The following RNF150 variants were observed in gnomAD, a reference collection of about 807,000 sequenced individuals.
The protein encoded by RNF150 is ring finger protein 150.
RNF150 carries 24 observed loss-of-function variants against 39.3 expected under a neutral mutation model. The observed-to-expected ratio is 0.61, with a 90% CI of 0.44 to 0.86. RNF150 has a LOEUF of 0.86. Among genes scored for constraint, RNF150 ranks in the 40% least tolerant of loss-of-function variants. RNF150 has a pLI of 0.00. For missense variants in RNF150, 502 were observed against 587.8 expected (o/e 0.85, Z 1.51); for synonymous variants, 255 against 227.3 (o/e 1.12, Z -1.10).
rs1016500156 is a variant in RNF150 at position 141,048,611 on chromosome 4, T to C, written c.485-80738A>G. ...AACCAGGCATGGTAGTGTGTGACTA[T>C]AGTCCTGACTAGTTGGGAGGCTGAG... On this transcript the variant is annotated intron_variant, in intron 1 of 6. Transcript: ENST00000515673. Among the ~76,000 whole-genome samples, 4 of 152,130 alleles carry C rather than the reference T, an allele frequency of 2.6e-5. No homozygotes were observed. In the South Asian group the frequency reaches 6.2e-4, roughly 24 times the overall value.
At chr4:141,121,191 CT>C (rs1001790763) in intron 1 of RNF150, among the ~76,000 whole-genome samples, 2 of 152,214 alleles carry the variant, frequency 1.3e-5, no homozygotes, top group Non-Finnish European at 2.9e-5. Flanking sequence ...AGCCTAAACA[CT>C]TGCTTCCTGA....
chr4:141,087,506 T>C (rs1738411550), intron 1 of RNF150, among the ~76,000 whole-genome samples: 1 of 116,178 alleles, frequency 8.6e-6, no homozygotes, highest in Non-Finnish European at 1.8e-5. Context: ...CACTTCTCTT[T>C]CTATCTACCT....
chr4:140,994,474 C>T (rs1579035756), intron 1 of RNF150, among the ~76,000 whole-genome samples: 1 of 150,674 alleles, frequency 6.6e-6, no homozygotes, highest in South Asian at 2.1e-4. Flanking sequence ...TGCACGCACA[C>T]ACACACAACA....
chr4:141,098,745 C>G (rs1232728415), intron 1 of RNF150, among the ~76,000 whole-genome samples: 1 of 152,168 alleles, frequency 6.6e-6, no homozygotes, highest in Admixed American at 6.5e-5. Flanking sequence ...AAACATTTTG[C>G]TACATTGTCT....
intron 1 of RNF150, among the ~76,000 whole-genome samples, chr4:141,080,806 C>A (rs963168307): frequency 6.6e-6 from 1 of 152,094 alleles, no homozygotes; most frequent in Non-Finnish European, 1.5e-5. Context: ...CTGCACATGT[C>A]CCCCAGGGAA....
At chr4:141,001,937 T>C (rs578025190) in intron 1 of RNF150, among the ~76,000 whole-genome samples, 1 of 152,200 alleles carries the variant, frequency 6.6e-6, no homozygotes, top group African/African-American at 2.4e-5. Flanking sequence ...GCTCATATAT[T>C]TTTTCTTTAA....
intron 1 of RNF150, among the ~76,000 whole-genome samples, chr4:141,175,056 C>T (rs1162263819): frequency 2.6e-5 from 4 of 152,106 alleles, no homozygotes; most frequent in African/African-American, 9.7e-5. Flanking sequence ...GGCAAAAGAT[C>T]CAGATTAAAC....
intron 1 of RNF150, among the ~76,000 whole-genome samples, chr4:141,163,966 C>T (rs1234367093): frequency 1.3e-5 from 2 of 152,012 alleles, no homozygotes; most frequent in African/African-American, 2.4e-5. Context: ...GACGAATTGA[C>T]AGCAGTAGGC....
intron 6 of RNF150, 121 bp from the exon 7 acceptor site, chr4:140,868,500 T>C: frequency 1.6e-6 from 1 of 642,988 alleles, no homozygotes; most frequent in East Asian, 2.7e-5. Context: ...TTAGAAAAAT[T>C]GGGTATTCTG....
intron 6 of RNF150, among the ~76,000 whole-genome samples, chr4:140,876,835 T>A (rs76793599): frequency 0.03 from 4,518 of 152,338 alleles, 157 homozygotes; most frequent in African/African-American, 0.086. Flanking sequence ...AGCAGGCTTA[T>A]GATACAAATT....
chr4:141,069,735 A>C (rs1353104950), intron 1 of RNF150, among the ~76,000 whole-genome samples: 3 of 151,540 alleles, frequency 2.0e-5, no homozygotes, highest in Non-Finnish European at 2.9e-5. Flanking sequence ...CCACAATTTC[A>C]GCTCCTGTTA....
intron 1 of RNF150, among the ~76,000 whole-genome samples, chr4:141,091,706 C>G (rs1327847155): frequency 6.6e-6 from 1 of 152,140 alleles, no homozygotes; most frequent in African/African-American, 2.4e-5. Context: ...CCTTTCCAAC[C>G]CTGAGACTTC....
chr4:141,091,999 T>G (rs1161665196), intron 1 of RNF150, among the ~76,000 whole-genome samples: 10 of 152,180 alleles, frequency 6.6e-5, no homozygotes, highest in Non-Finnish European at 1.0e-4. Flanking sequence ...GTAGGTATAC[T>G]AAGCTGTTAT....
At position 140,860,490 on chromosome 4, in the gene RNF150, A is replaced by T. The variant is rs996457928; in HGVS notation, c.*7771T>A. The stretch of plus-strand genomic sequence containing the variant: ...CACAGTCTGAATATGGAGAGGATAG[A>T]CAATGCCGAGATGGAACCATCATCT... On this transcript the variant is annotated 3_prime_UTR_variant, in exon 7 of 7. Coordinates refer to ENST00000515673, the MANE Select transcript of RNF150 (RefSeq NM_020724.2). 4 of 152,222 alleles carry T rather than the reference A, an allele frequency of 2.6e-5. No homozygotes were observed. Among genetic ancestry groups the T allele is most frequent in the African/African-American group, 9.6e-5 (4 of 41,456 alleles). 9.4% of individuals were successfully genotyped at this position (152,222 alleles called of 1,614,324 possible).
At chr4:141,002,258 T>A (rs78959270) in intron 1 of RNF150, among the ~76,000 whole-genome samples, 2 of 152,160 alleles carry the variant, frequency 1.3e-5, no homozygotes, top group African/African-American at 4.8e-5. Flanking sequence ...TTTTTTTTTT[T>A]ACTTGCAAAG....
intron 1 of RNF150, among the ~76,000 whole-genome samples, chr4:141,141,004 T>C (rs1192940543): frequency 6.6e-6 from 1 of 152,222 alleles, no homozygotes; most frequent in Non-Finnish European, 1.5e-5. Context: ...TTTGTCATGC[T>C]TTCCTATTGG....
chr4:141,086,013 T>C (rs894883579), intron 1 of RNF150, among the ~76,000 whole-genome samples: 1 of 141,028 alleles, frequency 7.1e-6, no homozygotes, highest in Non-Finnish European at 1.5e-5. Context: ...GCTTAAACGA[T>C]AAGTGAGAAG....
intron 1 of RNF150, among the ~76,000 whole-genome samples, chr4:141,192,053 C>G (rs1450103000): frequency 6.6e-6 from 1 of 152,150 alleles, no homozygotes; most frequent in East Asian, 1.9e-4. Context: ...AAGATTTACC[C>G]AACATTATTA....
At chr4:140,994,481 A>AACAC (rs61671585) in intron 1 of RNF150, among the ~76,000 whole-genome samples, 83 of 150,932 alleles carry the variant, frequency 5.5e-4, no homozygotes, top group Middle Eastern at 3.5e-3. Flanking sequence ...ACACACACAC[A>AACAC]ACACACACAC....
Sources: allele counts gnomAD v4.1 joint callset (sites outside exome capture counted in the v4.1 genomes callset), GRCh38; gene constraint gnomAD v4.1.1; transcripts MANE v1.5; gene names NCBI Gene and HGNC (gene_info 2026-07-23, HGNC 2026-07-21).